DNMT3A: variants seen among roughly 807,000 people sequenced by gnomAD.
DNMT3A encodes DNA methyltransferase 3 alpha.
Under a neutral mutation model 117.6 loss-of-function variants are expected in DNMT3A, and 267 were observed. The observed-to-expected ratio is 2.27, with a 90% confidence interval of 2.05 to 2.51. The LOEUF (loss-of-function observed/expected upper bound fraction) is 2.51. DNMT3A is among the 30% of genes most tolerant of loss of function. The pLI is 0.00. For missense variants in DNMT3A, 1,029 were observed against 1,260.2 expected (o/e 0.82, Z 2.78); for synonymous variants, 432 against 474.8 (o/e 0.91, Z 1.17).
rs549709652 is a variant in DNMT3A, at chr2:25,293,891, G to A, written c.177+6248C>T. Reference sequence around the variant, plus strand: ...TTGCCATGTTGGCCAGGCTGGTCTCGAATTCCTGGCCTCAAGTGATCCACC... The same window carrying A: ...TTGCCATGTTGGCCAGGCTGGTCTCAAATTCCTGGCCTCAAGTGATCCACC... On this transcript the variant is annotated intron_variant, in intron 3 of 22. Coordinates refer to ENST00000321117, the MANE Select transcript of DNMT3A (RefSeq NM_022552.5). The surrounding 1 kb of genome is among the most constrained non-coding windows in gnomAD (Gnocchi z 4.7). Among the ~76,000 whole-genome samples, 17 of 152,258 alleles carry A rather than the reference G, an allele frequency of 1.1e-4. No individual in the cohort carries two copies. Among genetic ancestry groups the A allele is most frequent in the African/African-American group, 3.4e-4 (14 of 41,554 alleles).
chr2:25,331,277 T>C (rs529725314), intron 1 of DNMT3A, among the ~76,000 whole-genome samples: 1 of 152,362 alleles, frequency 6.6e-6, no homozygotes, highest in Non-Finnish European at 1.5e-5. Flanking sequence ...CTAAATTCAA[T>C]GATGCTGACA....
intron 1 of DNMT3A, among the ~76,000 whole-genome samples, chr2:25,316,869 G>A (rs1197577272): frequency 2.3e-5 from 1 of 43,760 alleles, no homozygotes; most frequent in Non-Finnish European, 5.1e-5. Flanking sequence ...CAGTGACCAT[G>A]AATAATGTTT....
intron 6 of DNMT3A, among the ~76,000 whole-genome samples, chr2:25,253,487 G>T (rs1327689195): frequency 6.6e-6 from 1 of 152,172 alleles, no homozygotes; most frequent in Non-Finnish European, 1.5e-5. Context: ...CTTGGAATGA[G>T]GTGAGATGGG....
chr2:25,263,090 A>G (rs928130569), intron 6 of DNMT3A, among the ~76,000 whole-genome samples: 2 of 152,110 alleles, frequency 1.3e-5, no homozygotes, highest in African/African-American at 4.8e-5. Context: ...GCACAACACC[A>G]TGCCCAGCTA....
intron 1 of DNMT3A, 189 bp from the exon 2 acceptor site, chr2:25,314,350 C>T (rs2034279058): frequency 2.0e-6 from 2 of 985,252 alleles, no homozygotes; most frequent in Non-Finnish European, 1.2e-6. Context: ...CCAGCAGCCT[C>T]TGAGAGCCTT....
chr2:25,241,707 C>T lies in DNMT3A; in HGVS notation c.1937G>A (p.Gly646Glu), dbSNP rs1674070512. 3 of 1,613,520 alleles carry T rather than the reference C, an allele frequency of 1.9e-6. No homozygotes were observed. The highest frequency in any genetic ancestry group is 1.7e-6 in the Non-Finnish European group (2 of 1,179,798). ...GCCCAAGTCCTTCAGCACCAGGAGCCCTGCACCAGCCAGCAGACAGCACCG... is the reference window on the plus strand; with the variant it reads ...GCCCAAGTCCTTCAGCACCAGGAGCTCTGCACCAGCCAGCAGACAGCACCG... Reference protein sequence around the residue: ...VLSLFDGIATGLLVLKDLGIQ... With the variant: ...VLSLFDGIATELLVLKDLGIQ... The change falls in exon 17 of 23, where the codon GGG (glycine) becomes GAG (glutamate). Residue 646 changes from glycine to glutamate, a missense_variant and splice_region_variant. Coordinates refer to ENST00000321117, the MANE Select transcript of DNMT3A (RefSeq NM_022552.5).
intron 3 of DNMT3A, among the ~76,000 whole-genome samples, chr2:25,299,111 C>T (rs2033269921): frequency 6.6e-6 from 1 of 152,190 alleles, no homozygotes. Flanking sequence ...TTACCATTCT[C>T]AGCTGGAAGG....
intron 6 of DNMT3A, among the ~76,000 whole-genome samples, chr2:25,251,382 A>G (rs927468872): frequency 6.6e-6 from 1 of 152,012 alleles, no homozygotes; most frequent in Non-Finnish European, 1.5e-5. Context: ...GGGGCGGAGA[A>G]ACCAGGCGGC....
chr2:25,235,279 G>C (rs1673226477), intron 22 of DNMT3A, among the ~76,000 whole-genome samples: 2 of 151,986 alleles, frequency 1.3e-5, no homozygotes, highest in Non-Finnish European at 2.9e-5. Context: ...CCACCTCCCA[G>C]GTTCAAGCGA....
At chr2:25,283,852 C>T (rs2032081241) in intron 3 of DNMT3A, among the ~76,000 whole-genome samples, 1 of 152,228 alleles carries the variant, frequency 6.6e-6, no homozygotes, top group African/African-American at 2.4e-5. Flanking sequence ...TTACTACCTC[C>T]TCAGAGTTTC....
Position 25,289,303 on chromosome 2 carries a change from T to C in DNMT3A, c.178-6592A>G, listed in dbSNP as rs1019869018. Among the ~76,000 whole-genome samples, 5 of 152,122 alleles carry C rather than the reference T, an allele frequency of 3.3e-5. No homozygotes were observed. The South Asian group carries it at 1.0e-3, about 32-fold the overall frequency. ...TTTTTAGAGATGGGGTTTCTCCATGTTGGCCAGGCTGGTCTCAAACTCCTG... is the reference window on the plus strand; with the variant it reads ...TTTTTAGAGATGGGGTTTCTCCATGCTGGCCAGGCTGGTCTCAAACTCCTG... On this transcript the variant is annotated intron_variant, in intron 3 of 22. Coordinates refer to ENST00000321117, the MANE Select transcript of DNMT3A (RefSeq NM_022552.5).
Position 25,237,307 on chromosome 2 carries a change from A to G in DNMT3A, c.2409-302T>C, listed in dbSNP as rs942343682. Among the ~76,000 whole-genome samples the G allele has an allele frequency of 6.6e-6, 1 of 152,266 alleles. No homozygotes were observed. Among genetic ancestry groups the G allele is most frequent in the African/African-American group, 2.4e-5 (1 of 41,474 alleles). ...AGAAAAAGAAAAAAAAAGCACAGCT[A>G]TCTTTACATCAGTTAGTCTAAAATA... On this transcript the variant is annotated intron_variant, in intron 20 of 22. Transcript: ENST00000321117. This position sits in a 1 kb window ranked among gnomAD's most constrained non-coding sequence, Gnocchi z 5.4.
chr2:25,264,132 G>GTTTTTTTTTTTTTTTTTTTTTT (rs1175186554), intron 6 of DNMT3A, among the ~76,000 whole-genome samples: 3 of 73,740 alleles, frequency 4.1e-5, no homozygotes, highest in African/African-American at 1.1e-4. Context: ...CAACCCTTTG[G>GTTTTTTTTTTTTTTTTTTTTTT]TTTTTTTTTT....
intron 1 of DNMT3A, among the ~76,000 whole-genome samples, chr2:25,336,844 T>A (rs1197376342): frequency 6.6e-6 from 1 of 152,180 alleles, no homozygotes; most frequent in Non-Finnish European, 1.5e-5. Flanking sequence ...GCCCCACTTC[T>A]GTGCTCTGGG....
At position 25,311,482 on chromosome 2, in the gene DNMT3A, G is replaced by A. The variant is rs1389903644; in HGVS notation, c.72+2431C>T. Among the ~76,000 whole-genome samples the A allele has an allele frequency of 6.6e-6, 1 of 152,220 alleles. No individual in the cohort carries two copies. Among genetic ancestry groups the A allele is most frequent in the Non-Finnish European group, 1.5e-5 (1 of 68,038 alleles). On this transcript the variant is annotated intron_variant, in intron 2 of 22. Transcript: ENST00000321117. The surrounding 1 kb of genome is among the most constrained non-coding windows in gnomAD (Gnocchi z 5.2). Reference sequence around the variant, plus strand: ...AGCATGCGTGGTGTAGGTGTGGGCGGCTGGGGAGGAGGCCTGGCTATGGCC... The same window carrying A: ...AGCATGCGTGGTGTAGGTGTGGGCGACTGGGGAGGAGGCCTGGCTATGGCC...
intron 3 of DNMT3A, among the ~76,000 whole-genome samples, chr2:25,283,891 C>A (rs534066026): frequency 6.6e-6 from 1 of 152,194 alleles, no homozygotes; most frequent in African/African-American, 2.4e-5. Flanking sequence ...AGGTGAGGAA[C>A]CTGAGGCTCT....
Position 25,282,872 on chromosome 2 carries a change from G to A in DNMT3A, c.178-161C>T, listed in dbSNP as rs370021151. 6.6e-6 allele frequency among the ~76,000 whole-genome samples: 1 copy of A among 152,306 alleles called. No individual in the cohort carries two copies. Among genetic ancestry groups the A allele is most frequent in the African/African-American group, 2.4e-5 (1 of 41,556 alleles). ...TGCAAACAGATACATTCACAATTTT[G>A]CTTTCAACATCAAAGGATTCCTGGG... is the stretch of plus-strand genomic sequence containing the variant. On this transcript the variant is annotated intron_variant, in intron 3 of 22. Transcript: ENST00000321117. The surrounding 1 kb of genome is among the most constrained non-coding windows in gnomAD (Gnocchi z 5.2).
chr2:25,239,165 G>A lies in DNMT3A; in HGVS notation c.2373C>T (p.Ala791=), dbSNP rs745517428. ...DAKEVSAAHR[A]RYFWGNLPGM... is the part of the protein sequence containing the mutation. ...CGGGAAGGTTACCCCAGAAGTAGCG[G>A]GCCCTGTGTGCAGCTGACACTTCTT... The change falls in exon 20 of 23, where the codon GCC becomes GCT. Residue 791 remains alanine, a synonymous_variant. Coordinates refer to ENST00000321117, the MANE Select transcript of DNMT3A (RefSeq NM_022552.5). 1 of 1,614,142 alleles carries A rather than the reference G, an allele frequency of 6.2e-7. No homozygotes were observed. Among genetic ancestry groups the A allele is most frequent in the South Asian group, 1.1e-5 (1 of 91,084 alleles).
intron 6 of DNMT3A, among the ~76,000 whole-genome samples, chr2:25,253,598 G>A (rs1675845829): frequency 6.6e-6 from 1 of 152,198 alleles, no homozygotes; most frequent in African/African-American, 2.4e-5. Context: ...GCCTTCAGGT[G>A]CGTCCTTGGG....
Sources: allele counts gnomAD v4.1 joint callset (sites outside exome capture counted in the v4.1 genomes callset), GRCh38; gene constraint gnomAD v4.1.1; non-coding constraint Gnocchi (gnomAD v3.1); transcripts MANE v1.5; gene names NCBI Gene and HGNC (gene_info 2026-07-23, HGNC 2026-07-21).